Variants in FCRL4 observed in about 807,000 individuals in gnomAD.
FCRL4 encodes the protein Fc receptor like 4, also known as Fc receptor-like protein 4.
Under a neutral mutation model 64.1 loss-of-function variants are expected in FCRL4, and 43 were observed. That is an observed-to-expected ratio of 0.67 (90% CI 0.53 to 0.87). FCRL4 has a LOEUF of 0.87. Ranked by LOEUF, FCRL4 falls within the 40% of genes least tolerant of loss-of-function variation. FCRL4 has a pLI of 0.00. For missense variants in FCRL4, 656 were observed against 613.5 expected (o/e 1.07, Z -0.73); for synonymous variants, 253 against 239.8 (o/e 1.05, Z -0.51).
At chr1:157,594,428 C>T (rs1243223089) in intron 2 of FCRL4, among the ~76,000 whole-genome samples, 1 of 152,208 alleles carries the variant, frequency 6.6e-6, no homozygotes, top group Non-Finnish European at 1.5e-5. Flanking sequence ...AGTCATGATG[C>T]CTGGAGCTGT....
rs1460434898 is a variant in FCRL4 at position 157,574,264 on chromosome 1, T to A, written c.*1260A>T. On this transcript the variant is annotated 3_prime_UTR_variant, in exon 12 of 12. Transcript: ENST00000271532. ...CAGGTGATTTGCCCTATAGAACTTT[T>A]TCTCAGTTTATGTTTTGCTGGTTGC... is the stretch of plus-strand genomic sequence containing the variant. 4 of 218,974 alleles carry A rather than the reference T, an allele frequency of 1.8e-5. No homozygotes were observed. Among genetic ancestry groups the A allele is most frequent in the Non-Finnish European group, 3.7e-5 (4 of 109,162 alleles). The allele number at this position is 218,974 out of a possible 1,614,324, so 13.6% of individuals were successfully genotyped here. A position where few individuals can be genotyped will look rare whatever the true frequency, so the allele number is the denominator to read the frequency against.
At chr1:157,579,666 A>T (rs1652511258) in intron 8 of FCRL4, among the ~76,000 whole-genome samples, 1 of 149,392 alleles carries the variant, frequency 6.7e-6, no homozygotes, top group African/African-American at 2.5e-5. Flanking sequence ...GCCATGAGCT[A>T]AGATCGTGCC....
chr1:157,574,912 G>A lies in FCRL4; in HGVS notation c.*612C>T, dbSNP rs768371478. The stretch of plus-strand genomic sequence containing the variant: ...CTTTTGGAAGCGCAGCCTAGAGCTT[G>A]CATCTCCAGCTCTTCTGATGTCCTC... On this transcript the variant is annotated 3_prime_UTR_variant, in exon 12 of 12. Coordinates refer to ENST00000271532, the MANE Select transcript of FCRL4 (RefSeq NM_031282.3). 3.3e-5 allele frequency: 7 copies of A among 213,388 alleles called. No homozygotes were observed. The highest frequency in any genetic ancestry group is 6.6e-5 in the Non-Finnish European group (7 of 105,624). 13.2% of individuals were successfully genotyped at this position (213,388 alleles called of 1,614,324 possible). A position where few individuals can be genotyped will look rare whatever the true frequency, so the allele number is the denominator to read the frequency against.
At position 157,575,412 on chromosome 1, in the gene FCRL4, G is replaced by GA; in HGVS notation, c.*111dup. 1 of 756,768 alleles carries GA rather than the reference G, an allele frequency of 1.3e-6. No homozygotes were observed. The highest frequency in any genetic ancestry group is 2.3e-6 in the Non-Finnish European group (1 of 436,226). 46.9% of individuals were successfully genotyped at this position (756,768 alleles called of 1,614,324 possible). A position where few individuals can be genotyped will look rare whatever the true frequency, so the allele number is the denominator to read the frequency against. ...GAATGCATATGCATGAGAAGAATTAGAAAGCTGGAATGAGTTGATCATTCC... is the reference window on the plus strand; with the variant it reads ...GAATGCATATGCATGAGAAGAATTAGAAAAGCTGGAATGAGTTGATCATTCC... On this transcript the variant is annotated 3_prime_UTR_variant, in exon 12 of 12. Coordinates refer to ENST00000271532, the MANE Select transcript of FCRL4 (RefSeq NM_031282.3).
In FCRL4 at chr1:157,598,028, C is replaced by T. The variant is rs1040252096; in HGVS notation, c.-84G>A. On this transcript the variant is annotated 5_prime_UTR_variant, in exon 1 of 12. In the 5' UTR this introduces an upstream ATG that the reference lacks. Transcript: ENST00000271532. ...ATTGCCAAAGCAGCACTTGCCTACA[C>T]CAGCACCAGCAGTGAGCTCAGTAAG... The T allele has an allele frequency of 2.1e-6, 2 of 945,100 alleles. No homozygotes were observed. Among genetic ancestry groups the T allele is most frequent in the East Asian group, 2.4e-5 (1 of 40,994 alleles). 58.5% of individuals were successfully genotyped at this position (945,100 alleles called of 1,614,324 possible).
chr1:157,594,656 G>A (rs1364507061), intron 2 of FCRL4, among the ~76,000 whole-genome samples: 4 of 152,048 alleles, frequency 2.6e-5, no homozygotes, highest in African/African-American at 9.7e-5. Flanking sequence ...ACTCAGATGA[G>A]GACTGTCTAC....
intron 2 of FCRL4, among the ~76,000 whole-genome samples, chr1:157,594,388 C>G (rs1296090562): frequency 1.3e-5 from 2 of 152,196 alleles, no homozygotes; most frequent in African/African-American, 4.8e-5. Flanking sequence ...ACCTGTCTCC[C>G]TACTTCTCCC....
In FCRL4 at chr1:157,589,257, C is replaced by CA; in HGVS notation, c.253dup (p.Cys85LeufsTer10). On this transcript the variant is annotated frameshift_variant, in exon 3 of 12. Transcript: ENST00000271532. LOFTEE classifies it high-confidence loss of function. ...ACTTCGTGGGGAGCCCCGGGCCTGG[C>CA]ATCTGTACAGTCCAGATTCCCGAAC... The CA allele has an allele frequency of 6.2e-7, 1 of 1,614,194 alleles. No individual in the cohort carries two copies. Among genetic ancestry groups the CA allele is most frequent in the Non-Finnish European group, 8.5e-7 (1 of 1,180,018 alleles).
Position 157,575,511 on chromosome 1 carries a change from AC to A in FCRL4, c.*12del. ...ATCACATGAGTAGGACGTTCTCGTA[AC>A]TTTTCATTCTCTTAACTTTCTTCAT... On this transcript the variant is annotated 3_prime_UTR_variant, in exon 12 of 12. Transcript: ENST00000271532. 1 of 1,606,512 alleles carries A rather than the reference AC, an allele frequency of 6.2e-7. No individual in the cohort carries two copies. Among genetic ancestry groups the A allele is most frequent in the East Asian group, 2.2e-5 (1 of 44,798 alleles).
At chr1:157,595,217 A>C (rs571935878) in intron 2 of FCRL4, among the ~76,000 whole-genome samples, 86 of 152,344 alleles carry the variant, frequency 5.6e-4, no homozygotes, top group African/African-American at 2.0e-3. Context: ...ACACTTTTTA[A>C]AAAGAAAATT....
rs1652379643 is a variant in FCRL4, at chr1:157,575,427, T to C, written c.*97A>G. On this transcript the variant is annotated 3_prime_UTR_variant, in exon 12 of 12. Coordinates refer to ENST00000271532, the MANE Select transcript of FCRL4 (RefSeq NM_031282.3). ...AGAAGAATTAGAAAGCTGGAATGAG[T>C]TGATCATTCCAGGGGCCGCAAGGAC... is the stretch of plus-strand genomic sequence containing the variant. The C allele has an allele frequency of 3.6e-6, 3 of 828,598 alleles. No individual in the cohort carries two copies. The highest frequency in any genetic ancestry group is 1.7e-5 in the African/African-American group (1 of 59,132). The allele number at this position is 828,598 out of a possible 1,614,324, so 51.3% of individuals were successfully genotyped here. A position where few individuals can be genotyped will look rare whatever the true frequency, so the allele number is the denominator to read the frequency against.
rs771849170 is a variant in FCRL4 at position 157,586,156 on chromosome 1, A to T, written c.1135+12T>A. 3.8e-6 allele frequency: 6 copies of T among 1,598,472 alleles called. No individual in the cohort carries two copies. Among genetic ancestry groups the T allele is most frequent in the Non-Finnish European group, 5.1e-6 (6 of 1,168,952 alleles). ...CTGAGAATAAATAAGGTCAATAGAG[A>T]TTAAAACTCACCTCTCACAGTGACA... On this transcript the variant is annotated intron_variant, in intron 6 of 11. Transcript: ENST00000271532.
rs370020571 is a variant in FCRL4 at position 157,587,575 on chromosome 1, T to G, written c.563-15A>C. The G allele has an allele frequency of 2.1e-5, 34 of 1,610,252 alleles. No individual in the cohort carries two copies. Among genetic ancestry groups the G allele is most frequent in the Non-Finnish European group, 2.8e-5 (33 of 1,179,074 alleles). On this transcript the variant is annotated splice_polypyrimidine_tract_variant and intron_variant, in intron 4 of 11. Coordinates refer to ENST00000271532, the MANE Select transcript of FCRL4 (RefSeq NM_031282.3). ...TGGAAATAGTTCTAGAGAGAAGAGG[T>G]AAGTCAAGTTCTGAGCACGAGAGTA...
Position 157,575,508 on chromosome 1 carries a change from G to T in FCRL4, c.*16C>A. On this transcript the variant is annotated 3_prime_UTR_variant, in exon 12 of 12. Transcript: ENST00000271532. ...GAAATCACATGAGTAGGACGTTCTC[G>T]TAACTTTTCATTCTCTTAACTTTCT... The T allele has an allele frequency of 6.2e-7, 1 of 1,602,112 alleles. No homozygotes were observed. Among genetic ancestry groups the T allele is most frequent in the Non-Finnish European group, 8.5e-7 (1 of 1,170,512 alleles).
chr1:157,583,228 G>A (rs569307108), intron 6 of FCRL4, among the ~76,000 whole-genome samples: 23 of 152,240 alleles, frequency 1.5e-4, no homozygotes, highest in East Asian at 1.2e-3. Context: ...TAAGTGTTAC[G>A]TCTAGGGAAA....
chr1:157,596,691 T>G (rs1244826701), intron 1 of FCRL4, among the ~76,000 whole-genome samples: 1 of 152,226 alleles, frequency 6.6e-6, no homozygotes, highest in Non-Finnish European at 1.5e-5. Context: ...CATTAATTTT[T>G]TAGTATGGGG....
At position 157,587,414 on chromosome 1, in the gene FCRL4, G is replaced by A. The variant is rs1231581329; in HGVS notation, c.709C>T (p.Leu237=). The change falls in exon 5 of 12, where the codon CTG becomes TTG. Residue 237 remains leucine (L), a synonymous_variant. Transcript: ENST00000271532. ...TCCGGGTACGTGCTCCAGTCTGACAGGATGACCTCGCCATCTCTGAAGAAG... is the reference window on the plus strand; with the variant it reads ...TCCGGGTACGTGCTCCAGTCTGACAAGATGACCTCGCCATCTCTGAAGAAG... ...FNFFRDGEVI[L]SDWSTYPELQ... The A allele has an allele frequency of 1.9e-6, 3 of 1,614,232 alleles. No individual in the cohort carries two copies. Among genetic ancestry groups the A allele is most frequent in the African/African-American group, 2.7e-5 (2 of 75,062 alleles).
chr1:157,583,004 A>C (rs1440987550), intron 6 of FCRL4, among the ~76,000 whole-genome samples: 1 of 152,200 alleles, frequency 6.6e-6, no homozygotes, highest in African/African-American at 2.4e-5. Flanking sequence ...CTATTTCCTA[A>C]AAGAAATGGC....
intron 2 of FCRL4, among the ~76,000 whole-genome samples, chr1:157,594,026 G>A (rs905884354): frequency 1.3e-5 from 2 of 152,100 alleles, no homozygotes; most frequent in East Asian, 1.9e-4. Context: ...TTATAAACTC[G>A]GTAAAAGTTA....
Sources: allele counts gnomAD v4.1 joint callset (sites outside exome capture counted in the v4.1 genomes callset), GRCh38; gene constraint gnomAD v4.1.1; transcripts MANE v1.5; gene names NCBI Gene and HGNC (gene_info 2026-07-23, HGNC 2026-07-21).